The following JAZF1 variants were observed in gnomAD, a reference collection of about 807,000 sequenced individuals.
JAZF1 encodes the protein juxtaposed with another zinc finger protein 1.
Under a neutral mutation model 26.4 loss-of-function variants are expected in JAZF1, and 8 were observed. The ratio of observed to expected loss-of-function variants is 0.30; its 90% CI spans 0.18 to 0.55. The LOEUF is 0.55. JAZF1 is among the 20% of genes least tolerant of loss of function. JAZF1 has a pLI of 0.94. For missense variants in JAZF1, 199 were observed against 322.0 expected (o/e 0.62, Z 2.92); for synonymous variants, 126 against 122.3 (o/e 1.03, Z -0.20).
intron 2 of JAZF1, among the ~76,000 whole-genome samples, chr7:27,942,387 T>C (rs1033824461): frequency 6.6e-6 from 1 of 152,232 alleles, no homozygotes; most frequent in Non-Finnish European, 1.5e-5. Context: ...CAAAGACGAC[T>C]CTCTTCTCAA....
chr7:28,001,795 G>C (rs948219062), intron 1 of JAZF1, among the ~76,000 whole-genome samples: 1 of 151,998 alleles, frequency 6.6e-6, no homozygotes, highest in Admixed American at 6.6e-5. Context: ...AAAATAACCA[G>C]TGGTGGCAGG....
At chr7:28,113,148 C>A (rs966654019) in intron 1 of JAZF1, among the ~76,000 whole-genome samples, 1 of 152,178 alleles carries the variant, frequency 6.6e-6, no homozygotes, top group African/African-American at 2.4e-5. Context: ...CAGAGTCCGG[C>A]CTGTTGAATC....
chr7:28,158,158 C>A (rs1583590711), intron 1 of JAZF1, among the ~76,000 whole-genome samples: 1 of 115,252 alleles, frequency 8.7e-6, no homozygotes, highest in Non-Finnish European at 1.8e-5. Flanking sequence ...CGCACACACA[C>A]ACACACACAA....
At chr7:28,069,036 G>A (rs1167001573) in intron 1 of JAZF1, among the ~76,000 whole-genome samples, 12 of 152,242 alleles carry the variant, frequency 7.9e-5, no homozygotes, top group African/African-American at 2.4e-4. Context: ...TGTTCCCTGG[G>A]CTCTGGAAAT....
At chr7:28,078,379 G>T (rs149118226) in intron 1 of JAZF1, among the ~76,000 whole-genome samples, 1 of 152,196 alleles carries the variant, frequency 6.6e-6, no homozygotes, top group Non-Finnish European at 1.5e-5. Context: ...ACCATCATAT[G>T]TGCATGTGAA....
chr7:27,930,185 C>T (rs189223732), intron 2 of JAZF1, among the ~76,000 whole-genome samples: 2,496 of 152,138 alleles, frequency 0.016, 74 homozygotes, highest in African/African-American at 0.058. Flanking sequence ...TTAGTAGAGA[C>T]AGGGTTTCAC....
intron 2 of JAZF1, among the ~76,000 whole-genome samples, chr7:27,919,163 C>T (rs1041354270): frequency 6.6e-6 from 1 of 152,128 alleles, no homozygotes; most frequent in Non-Finnish European, 1.5e-5. Context: ...ATCTTGTTAG[C>T]ATGAAATGTA....
At chr7:28,087,010 A>G (rs555070019) in intron 1 of JAZF1, among the ~76,000 whole-genome samples, 1 of 152,350 alleles carries the variant, frequency 6.6e-6, no homozygotes, top group South Asian at 2.1e-4. Context: ...TTTACTCTGT[A>G]ACTCATACTA....
chr7:28,119,594 G>T (rs1223809640), intron 1 of JAZF1, among the ~76,000 whole-genome samples: 1 of 152,054 alleles, frequency 6.6e-6, no homozygotes, highest in Non-Finnish European at 1.5e-5. Context: ...CTCTTAATTT[G>T]CTTCTTTATT....
chr7:28,148,354 A>C (rs1783058467), intron 1 of JAZF1, among the ~76,000 whole-genome samples: 2 of 152,158 alleles, frequency 1.3e-5, no homozygotes, highest in Admixed American at 6.5e-5. Context: ...TATAGGCGTG[A>C]GCCACCGCGC....
chr7:28,141,854 C>T (rs532146817), intron 1 of JAZF1, among the ~76,000 whole-genome samples: 1 of 152,252 alleles, frequency 6.6e-6, no homozygotes, highest in African/African-American at 2.4e-5. Flanking sequence ...TCACAAAACA[C>T]TCTTTTCTAA....
At chr7:28,180,399 G>T in intron 1 of JAZF1, 64 bp downstream of exon 1, 2 of 1,361,782 alleles carry the variant, frequency 1.5e-6, no homozygotes, top group Non-Finnish European at 2.1e-6. Flanking sequence ...GCCATTCCGG[G>T]GCTCCCCGCC....
In JAZF1 at chr7:28,121,323, C is replaced by T. The variant is rs530629533; in HGVS notation, c.115+59140G>A. ...AGCTCTCTAAGGGAGATAGCTGTTA[C>T]CCTCAGCTAGAGGTAGAATGGGACT... On this transcript the variant is annotated intron_variant, in intron 1 of 4. Transcript: ENST00000283928. Among the ~76,000 whole-genome samples, 320 of 152,246 alleles carry T rather than the reference C, an allele frequency of 2.1e-3. 4 individuals are homozygous for T. Among genetic ancestry groups the T allele is most frequent in the Admixed American group, 8.8e-3 (134 of 15,296 alleles).
chr7:28,081,528 G>A (rs1784137032), intron 1 of JAZF1, among the ~76,000 whole-genome samples: 1 of 152,196 alleles, frequency 6.6e-6, no homozygotes, highest in South Asian at 2.1e-4. Context: ...GGGGTTTTGG[G>A]GACTTGAAAA....
intron 1 of JAZF1, among the ~76,000 whole-genome samples, chr7:28,150,805 G>A (rs1783101329): frequency 6.6e-6 from 1 of 152,196 alleles, no homozygotes. Flanking sequence ...ACAACTGAAG[G>A]AGACTGGCTC....
chr7:27,928,719 T>C (rs773875033), intron 2 of JAZF1, among the ~76,000 whole-genome samples: 2 of 152,140 alleles, frequency 1.3e-5, no homozygotes, highest in Non-Finnish European at 2.9e-5. Context: ...TTCTCACTCA[T>C]AAGTGGGAGC....
At chr7:28,161,160 T>C (rs1490161260) in intron 1 of JAZF1, among the ~76,000 whole-genome samples, 1 of 149,106 alleles carries the variant, frequency 6.7e-6, no homozygotes, top group Non-Finnish European at 1.5e-5. Flanking sequence ...ACAATAATAA[T>C]ATGTAGCACA....
intron 1 of JAZF1, among the ~76,000 whole-genome samples, chr7:27,999,633 T>C (rs958078516): frequency 6.6e-6 from 1 of 152,212 alleles, no homozygotes; most frequent in South Asian, 2.1e-4. Context: ...TTTGCAAATA[T>C]GTCTTATCAG....
chr7:27,848,066 G>C (rs1281393691), intron 3 of JAZF1, among the ~76,000 whole-genome samples: 2 of 152,138 alleles, frequency 1.3e-5, no homozygotes, highest in African/African-American at 4.8e-5. Flanking sequence ...TTCTACATCA[G>C]TTTAAGGATT....
Sources: gnomAD v4.1 joint callset for allele counts (sites outside exome capture counted in the v4.1 genomes callset) on GRCh38, gnomAD v4.1.1 for gene constraint, MANE v1.5 for transcripts, NCBI Gene and HGNC (gene_info 2026-07-23, HGNC 2026-07-21) for gene names.